TRPM7: variants seen among roughly 807,000 people sequenced by gnomAD.
The protein encoded by TRPM7 is transient receptor potential cation channel subfamily M member 7.
In TRPM7, 134 loss-of-function variants were observed where a neutral mutation model predicts 229.7. The observed-to-expected ratio is 0.58, with a 90% CI of 0.51 to 0.67. The LOEUF (loss-of-function observed/expected upper bound fraction) is 0.67, where lower values mean the gene tolerates loss of function less well. Ranked by LOEUF, TRPM7 falls within the 30% of genes least tolerant of loss-of-function variation. TRPM7 has a pLI of 0.00. For missense variants in TRPM7, 1,901 were observed against 2,210.0 expected (o/e 0.86, Z 2.80); for synonymous variants, 699 against 715.2 (o/e 0.98, Z 0.36).
At chr15:50,575,251 A>T (rs2054077590) in intron 33 of TRPM7, 116 bp from the exon 34 acceptor site, 3 of 803,970 alleles carry the variant, frequency 3.7e-6, no homozygotes, top group Admixed American at 6.1e-5. Context: ...ATGGACCAAG[A>T]TGTAGTTTTA....
intron 1 of TRPM7, among the ~76,000 whole-genome samples, chr15:50,681,615 T>G (rs545144836): frequency 6.2e-4 from 94 of 152,322 alleles, no homozygotes; most frequent in African/African-American, 2.2e-3. Flanking sequence ...TTTGCACACA[T>G]TTTTCAATCA....
At position 50,592,612 on chromosome 15, in the gene TRPM7, C is replaced by T. The variant is rs371401734; in HGVS notation, c.3623G>A (p.Cys1208Tyr). 7 of 1,591,152 alleles carry T rather than the reference C, an allele frequency of 4.4e-6. No individual in the cohort carries two copies. The highest frequency in any genetic ancestry group is 1.3e-5 in the African/African-American group (1 of 74,552). Reference sequence around the variant, plus strand: ...ATCTCCAACTTCTTTAATCTGAATGCACATCTGTTCCACTCTGTAGGAGAG... The same window carrying T: ...ATCTCCAACTTCTTTAATCTGAATGTACATCTGTTCCACTCTGTAGGAGAG... ...RVTFERVEQM[C>Y]IQIKEVGDRV... Residue 1208 changes from cysteine to tyrosine, a missense_variant, in exon 26 of 39, where the codon TGC (cysteine) becomes TAC (tyrosine). Physicochemically the swap from Cys to Tyr is radical, Grantham distance 194 (BLOSUM62 -2). Around this residue, in one of 8 missense-constraint regions of TRPM7, gnomAD observed 533 missense variants for 497.1 expected, o/e 1.07. Transcript: ENST00000646667.
intron 5 of TRPM7, 70 bp downstream of exon 5, chr15:50,643,270 A>G: frequency 3.9e-6 from 5 of 1,297,428 alleles, no homozygotes; most frequent in Non-Finnish European, 5.5e-6. Context: ...GCCTGGCAAC[A>G]GAGTGAGAGT....
chr15:50,633,494 T>C (rs1455002908), intron 8 of TRPM7, among the ~76,000 whole-genome samples: 1 of 151,626 alleles, frequency 6.6e-6, no homozygotes, highest in Non-Finnish European at 1.5e-5. Flanking sequence ...ATCATTTACT[T>C]ATATATAACT....
At chr15:50,626,914 A>G (rs1387819416) in intron 11 of TRPM7, among the ~76,000 whole-genome samples, 3 of 152,080 alleles carry the variant, frequency 2.0e-5, no homozygotes, top group African/African-American at 7.3e-5. Flanking sequence ...TTAACTACAC[A>G]GTACATGTAG....
At chr15:50,651,060 G>A (rs1194341602) in intron 3 of TRPM7, among the ~76,000 whole-genome samples, 5 of 152,018 alleles carry the variant, frequency 3.3e-5, no homozygotes, top group East Asian at 1.9e-4. Flanking sequence ...GGTGATGCAC[G>A]CCTGTAGTCC....
intron 2 of TRPM7, among the ~76,000 whole-genome samples, chr15:50,660,480 C>T (rs2061694707): frequency 6.6e-6 from 1 of 152,038 alleles, no homozygotes; most frequent in Admixed American, 6.6e-5. Context: ...TGGTGAAACC[C>T]CTGTCTCTAC....
At chr15:50,583,738 G>A (rs895280870) in intron 28 of TRPM7, among the ~76,000 whole-genome samples, 8 of 151,878 alleles carry the variant, frequency 5.3e-5, no homozygotes, top group Admixed American at 3.3e-4. Context: ...CACCATGCCC[G>A]GCTAATTTTG....
At chr15:50,678,528 A>C (rs2062154730) in intron 1 of TRPM7, among the ~76,000 whole-genome samples, 1 of 146,012 alleles carries the variant, frequency 6.8e-6, no homozygotes, top group South Asian at 2.1e-4. Flanking sequence ...ATATATATAT[A>C]TATATATATA....
chr15:50,562,499 G>A (rs969740690), intron 38 of TRPM7, among the ~76,000 whole-genome samples: 1 of 152,136 alleles, frequency 6.6e-6, no homozygotes. Context: ...GCAGGGTGCA[G>A]TGGCTCATGC....
At chr15:50,680,650 G>C (rs1486254593) in intron 1 of TRPM7, among the ~76,000 whole-genome samples, 3 of 151,262 alleles carry the variant, frequency 2.0e-5, no homozygotes, top group Non-Finnish European at 4.4e-5. Flanking sequence ...TGATAGTAAA[G>C]GAAATTCTAT....
At chr15:50,615,043 C>T (rs2060181393) in intron 13 of TRPM7, among the ~76,000 whole-genome samples, 1 of 151,524 alleles carries the variant, frequency 6.6e-6, no homozygotes, top group African/African-American at 2.4e-5. Context: ...TGGTGGCAGG[C>T]ACCTGTAATC....
intron 11 of TRPM7, among the ~76,000 whole-genome samples, chr15:50,626,759 CTCT>C (rs957876792): frequency 6.6e-5 from 10 of 151,608 alleles, no homozygotes; most frequent in Middle Eastern, 6.8e-3. Flanking sequence ...ACTAAATAAA[CTCT>C]TTTTTATTGC....
chr15:50,626,795 G>C (rs2060573027), intron 11 of TRPM7, among the ~76,000 whole-genome samples: 1 of 121,660 alleles, frequency 8.2e-6, no homozygotes. Context: ...ACATTCCCAT[G>C]GTTAAAAAAA....
chr15:50,642,557 G>C (rs940968602), intron 5 of TRPM7, among the ~76,000 whole-genome samples: 13 of 152,116 alleles, frequency 8.5e-5, no homozygotes, highest in African/African-American at 2.9e-4. Flanking sequence ...GGCTTTATAA[G>C]GGGCTCTTCC....
In TRPM7 at chr15:50,592,421, T is replaced by C; in HGVS notation, c.3814A>G (p.Lys1272Glu). 1 of 1,614,208 alleles carries C rather than the reference T, an allele frequency of 6.2e-7. No individual in the cohort carries two copies. The highest frequency in any genetic ancestry group is 2.2e-5 in the East Asian group (1 of 44,876). Reference protein sequence around the residue: ...NEITRELSISKHLAQNLIDDG... With the variant: ...NEITRELSISEHLAQNLIDDG... ...TCAATAAGGTTTTGAGCCAAGTGTT[T>C]GGAAATGCTCAGTTCTCGTGTGATT... is the stretch of plus-strand genomic sequence containing the variant. Residue 1272 changes from lysine to glutamate, a missense_variant, in exon 26 of 39, where the codon AAA becomes GAA. This residue lies in a region of TRPM7 where 533 missense variants were observed against 497.1 expected (regional missense o/e 1.07). Coordinates refer to ENST00000646667, the MANE Select transcript of TRPM7 (RefSeq NM_017672.6).
chr15:50,610,469 C>T (rs1277186120), intron 17 of TRPM7, among the ~76,000 whole-genome samples: 3 of 152,070 alleles, frequency 2.0e-5, no homozygotes, highest in African/African-American at 4.8e-5. Context: ...AATTGTGTAA[C>T]AGGTTTTCTG....
chr15:50,643,274 TGA>T, intron 5 of TRPM7, 64 bp downstream of exon 5: 10 of 1,334,550 alleles, frequency 7.5e-6, no homozygotes, highest in Non-Finnish European at 8.4e-6. Flanking sequence ...GGCAACAGAG[TGA>T]GAGTCCGTCT....
intron 1 of TRPM7, among the ~76,000 whole-genome samples, chr15:50,680,135 G>A (rs2062210467): frequency 6.6e-6 from 1 of 152,092 alleles, no homozygotes. Flanking sequence ...TCGGGAGGCT[G>A]ACAGAGGAGA....
Sources: allele counts gnomAD v4.1 joint callset (sites outside exome capture counted in the v4.1 genomes callset), GRCh38; gene constraint gnomAD v4.1.1; regional missense constraint gnomAD v4.1.1; transcripts MANE v1.5; gene names NCBI Gene and HGNC (gene_info 2026-07-23, HGNC 2026-07-21).